Variants in TRAPPC8 observed in about 807,000 individuals in gnomAD.
TRAPPC8 encodes the protein trafficking protein particle complex subunit 8.
Under a neutral mutation model 174.3 loss-of-function variants are expected in TRAPPC8, and 54 were observed. The ratio of observed to expected loss-of-function variants is 0.31; its 90% confidence interval spans 0.25 to 0.39. The LOEUF (loss-of-function observed/expected upper bound fraction) is 0.39. Ranked by LOEUF, TRAPPC8 falls within the 10% of genes least tolerant of loss-of-function variation. The pLI is 1.00. For synonymous variants in TRAPPC8, 630 were observed against 579.9 expected, an observed-to-expected ratio of 1.09 and a Z score of -1.24; for missense variants, 1,531 against 1,699.1, an observed-to-expected ratio of 0.90 and a Z score of 1.74.
intron 19 of TRAPPC8, among the ~76,000 whole-genome samples, chr18:31,864,327 T>C (rs2034484440): frequency 6.6e-6 from 1 of 151,962 alleles, no homozygotes; most frequent in South Asian, 2.1e-4. Context: ...TCACAAATTA[T>C]TTTTTATAAC....
chr18:31,934,068 T>C (rs1320601797), intron 1 of TRAPPC8, among the ~76,000 whole-genome samples: 1 of 151,880 alleles, frequency 6.6e-6, no homozygotes, highest in Admixed American at 6.6e-5. Flanking sequence ...AGCGCCTGTA[T>C]TCCCAGCTAT....
Position 31,942,878 on chromosome 18 carries a change from C to A in TRAPPC8, c.-114G>T, listed in dbSNP as rs2038413110. The A allele has an allele frequency of 8.0e-7, 1 of 1,254,468 alleles. No individual in the cohort carries two copies. The highest frequency in any genetic ancestry group is 1.0e-6 in the Non-Finnish European group (1 of 999,620). The allele number at this position is 1,254,468 out of a possible 1,614,324, so 77.7% of individuals were successfully genotyped here. A position where few individuals can be genotyped will look rare whatever the true frequency, so the allele number is the denominator to read the frequency against. ...CGGCCTGGCCCGGCCGGGCGGGGCC[C>A]CGAACGCACTGGAGCCTAGAAACAA... On this transcript the variant is annotated 5_prime_UTR_variant, in exon 1 of 29. Transcript: ENST00000283351.
chr18:31,852,409 G>T (rs1020506841), intron 24 of TRAPPC8, 37 bp downstream of exon 24: 37 of 1,608,924 alleles, frequency 2.3e-5, no homozygotes, highest in Admixed American at 3.4e-5. Flanking sequence ...CTATAACTAT[G>T]ACTTAACATC....
intron 4 of TRAPPC8, 98 bp downstream of exon 4, chr18:31,916,174 C>T (rs961171391): frequency 4.2e-5 from 37 of 884,352 alleles, no homozygotes; most frequent in Non-Finnish European, 5.3e-5. Flanking sequence ...CTTTTACATT[C>T]TTGTATCAAA....
At chr18:31,858,040 GA>G (rs1316803647) in intron 19 of TRAPPC8, 58 bp from the exon 20 acceptor site, 5 of 1,393,870 alleles carry the variant, frequency 3.6e-6, no homozygotes, top group Middle Eastern at 1.9e-4. Flanking sequence ...AACCTCTAAT[GA>G]ATAACACTTT....
chr18:31,852,666 A>T lies in TRAPPC8; in HGVS notation c.3434-3T>A. ...CTCCCTACTGGCAAGTTTGGTATCT[A>T]GGAAGAAAAAGGGAAATTTCAAAGA... is the stretch of plus-strand genomic sequence containing the variant. On this transcript the variant is annotated splice_polypyrimidine_tract_variant and splice_region_variant and intron_variant, in intron 22 of 28. Coordinates refer to ENST00000283351, the MANE Select transcript of TRAPPC8 (RefSeq NM_014939.5). The T allele has an allele frequency of 6.2e-7, 1 of 1,611,788 alleles. No individual in the cohort carries two copies. Among genetic ancestry groups the T allele is most frequent in the South Asian group, 1.1e-5 (1 of 90,972 alleles).
At chr18:31,918,743 T>C (rs967719503) in intron 2 of TRAPPC8, among the ~76,000 whole-genome samples, 3 of 152,242 alleles carry the variant, frequency 2.0e-5, no homozygotes, top group Non-Finnish European at 2.9e-5. Context: ...TTTTCATTGT[T>C]TGTATAAATG....
At chr18:31,915,619 G>T (rs1004310449) in intron 4 of TRAPPC8, among the ~76,000 whole-genome samples, 1 of 150,818 alleles carries the variant, frequency 6.6e-6, no homozygotes, top group Non-Finnish European at 1.5e-5. Context: ...AAATGAAGCC[G>T]GGCGTGGTGG....
intron 2 of TRAPPC8, among the ~76,000 whole-genome samples, chr18:31,923,405 T>C (rs2037471855): frequency 6.6e-6 from 1 of 152,182 alleles, no homozygotes; most frequent in South Asian, 2.1e-4. Flanking sequence ...TTCCAATTAC[T>C]GTACCAAGGA....
At chr18:31,877,610 CAA>C (rs1161138155) in intron 12 of TRAPPC8, among the ~76,000 whole-genome samples, 1 of 77,158 alleles carries the variant, frequency 1.3e-5, no homozygotes. Context: ...GACTCCGTCT[CAA>C]AAAAAAAAAA....
chr18:31,877,369 T>C (rs905703886), intron 12 of TRAPPC8, among the ~76,000 whole-genome samples: 6 of 151,760 alleles, frequency 4.0e-5, no homozygotes, highest in Admixed American at 1.3e-4. Flanking sequence ...TCCCAGCACT[T>C]TGGGAGGCCG....
intron 10 of TRAPPC8, 117 bp from the exon 11 acceptor site, chr18:31,898,008 T>G: frequency 1.2e-6 from 1 of 826,140 alleles, no homozygotes; most frequent in Non-Finnish European, 1.8e-6. Flanking sequence ...AGGGAGATGG[T>G]TCCAGGACCC....
chr18:31,852,954 AAAGCCCATAATCCTGCC>A (rs2033791851), intron 22 of TRAPPC8: 2 of 322,672 alleles, frequency 6.2e-6, no homozygotes, highest in Admixed American at 9.1e-5. Context: ...CAGGGACTGG[AAAGCCCATAATCCTGCC>A]ACTCTACCAC....
intron 25 of TRAPPC8, among the ~76,000 whole-genome samples, chr18:31,847,943 C>T (rs2033497247): frequency 6.6e-6 from 1 of 152,062 alleles, no homozygotes; most frequent in Admixed American, 6.6e-5. Context: ...TTTTTCTTCA[C>T]AAAAATGTTC....
chr18:31,880,629 A>G (rs1050094205), intron 12 of TRAPPC8, among the ~76,000 whole-genome samples: 1 of 152,122 alleles, frequency 6.6e-6, no homozygotes, highest in Non-Finnish European at 1.5e-5. Flanking sequence ...ACTTCTATTC[A>G]ACATAGTACT....
At chr18:31,907,687 G>T in intron 8 of TRAPPC8, 77 bp from the exon 9 acceptor site, 1 of 1,229,562 alleles carries the variant, frequency 8.1e-7, no homozygotes, top group African/African-American at 1.5e-5. Flanking sequence ...TTAACAAGCT[G>T]CCATGTTCTT....
At chr18:31,898,339 G>A (rs2036269908) in intron 10 of TRAPPC8, among the ~76,000 whole-genome samples, 1 of 151,978 alleles carries the variant, frequency 6.6e-6, no homozygotes, top group Admixed American at 6.6e-5. Context: ...TCCTTGTTTT[G>A]CACCTACCAA....
intron 1 of TRAPPC8, among the ~76,000 whole-genome samples, chr18:31,939,201 C>G (rs72932151): frequency 0.087 from 13,105 of 151,328 alleles, 783 homozygotes; most frequent in South Asian, 0.26. Flanking sequence ...AAACTAAAAC[C>G]AAGAAAAATT....
chr18:31,871,219 T>C (rs548597778), intron 14 of TRAPPC8, 99 bp from the exon 15 acceptor site: 3 of 571,648 alleles, frequency 5.2e-6, no homozygotes, highest in African/African-American at 1.9e-5. Flanking sequence ...AATATATATA[T>C]ATACATTCAC....
Sources: gnomAD v4.1 joint callset for allele counts (sites outside exome capture counted in the v4.1 genomes callset) on GRCh38, gnomAD v4.1.1 for gene constraint, MANE v1.5 for transcripts, NCBI Gene and HGNC (gene_info 2026-07-23, HGNC 2026-07-21) for gene names.